The following IGF1R variants were observed in gnomAD, a reference collection of about 807,000 sequenced individuals.
IGF1R encodes the protein insulin-like growth factor 1 receptor.
In IGF1R, 44 loss-of-function variants were observed where a neutral mutation model predicts 144.6. The ratio of observed to expected loss-of-function variants is 0.30; its 90% CI spans 0.24 to 0.39. The LOEUF is 0.39. Ranked by LOEUF, IGF1R falls within the 10% of genes least tolerant of loss-of-function variation. The pLI, the probability that IGF1R is intolerant of heterozygous loss-of-function variation, is 1.00. For synonymous variants in IGF1R, 795 were observed against 722.8 expected (o/e 1.10, Z -1.60); for missense variants, 1,355 against 1,833.7 (o/e 0.74, Z 4.77).
intron 2 of IGF1R, among the ~76,000 whole-genome samples, chr15:98,757,859 TTC>T (rs2055194033): frequency 6.6e-6 from 1 of 152,246 alleles, no homozygotes; most frequent in Non-Finnish European, 1.5e-5. Context: ...TTATTTTACT[TTC>T]TGTTATTCTC....
chr15:98,880,241 C>G (rs2013301881), intron 2 of IGF1R, among the ~76,000 whole-genome samples: 1 of 152,182 alleles, frequency 6.6e-6, no homozygotes, highest in Non-Finnish European at 1.5e-5. Context: ...CCTTCTCAGC[C>G]TTTGTGTTAA....
chr15:98,861,212 A>G (rs1183076599), intron 2 of IGF1R, among the ~76,000 whole-genome samples: 3 of 152,220 alleles, frequency 2.0e-5, no homozygotes, highest in African/African-American at 7.2e-5. Flanking sequence ...TTGATGTGCT[A>G]TATACAAGAC....
intron 1 of IGF1R, among the ~76,000 whole-genome samples, chr15:98,698,314 G>A (rs1567081780): frequency 6.6e-6 from 1 of 152,178 alleles, no homozygotes; most frequent in East Asian, 1.9e-4. Flanking sequence ...TGGGATCACA[G>A]GTGTGAGCCA....
intron 2 of IGF1R, among the ~76,000 whole-genome samples, chr15:98,845,287 C>T (rs2011266522): frequency 1.3e-5 from 2 of 152,158 alleles, no homozygotes; most frequent in South Asian, 4.1e-4. Flanking sequence ...GCATGATAAC[C>T]TTTGAGGGGC....
intron 2 of IGF1R, among the ~76,000 whole-genome samples, chr15:98,729,171 C>CA (rs535237095): frequency 1.3e-4 from 20 of 152,334 alleles, no homozygotes; most frequent in Admixed American, 1.3e-3. Context: ...GTGGAATTCT[C>CA]ACTACAACAG....
chr15:98,772,293 C>G (rs1244885917), intron 2 of IGF1R, among the ~76,000 whole-genome samples: 1 of 151,856 alleles, frequency 6.6e-6, no homozygotes, highest in African/African-American at 2.4e-5. Flanking sequence ...AATTTCTAGT[C>G]TGGAAAAGAG....
intron 2 of IGF1R, among the ~76,000 whole-genome samples, chr15:98,789,514 G>T (rs1411073376): frequency 6.6e-6 from 1 of 152,150 alleles, no homozygotes; most frequent in Admixed American, 6.5e-5. Flanking sequence ...CCGAGTCCTC[G>T]CCTTAGAGGA....
chr15:98,920,980 G>A (rs1051750430), intron 10 of IGF1R, among the ~76,000 whole-genome samples: 7 of 152,164 alleles, frequency 4.6e-5, no homozygotes, highest in South Asian at 2.1e-4. Context: ...CGTTCCCTGC[G>A]TGAGCTTTCC....
intron 11 of IGF1R, among the ~76,000 whole-genome samples, chr15:98,923,352 C>T (rs1368305099): frequency 6.6e-6 from 1 of 152,248 alleles, no homozygotes; most frequent in South Asian, 2.1e-4. Flanking sequence ...GGCTCGGGGC[C>T]ATCCTTCGTG....
chr15:98,867,979 T>C (rs1201145165), intron 2 of IGF1R, among the ~76,000 whole-genome samples: 2 of 152,166 alleles, frequency 1.3e-5, no homozygotes, highest in Non-Finnish European at 1.5e-5. Context: ...GGCGGGCAGA[T>C]CGCTTGAGGT....
At position 98,950,247 on chromosome 15, in the gene IGF1R, AATAG is replaced by A. The variant is rs1338830977; in HGVS notation, c.3722+1547_3722+1550del. On this transcript the variant is annotated intron_variant, in intron 20 of 20. Coordinates refer to ENST00000650285, the MANE Select transcript of IGF1R (RefSeq NM_000875.5). Reference sequence around the variant, plus strand: ...CAGGCTGGGCCCACAGTGGCGGGATAATAGATAGATATGAACCAGACATGTGTCA... The same window carrying A: ...CAGGCTGGGCCCACAGTGGCGGGATAATAGATATGAACCAGACATGTGTCA... Among the ~76,000 whole-genome samples, 3 of 152,346 alleles carry A rather than the reference AATAG, an allele frequency of 2.0e-5. 1 individual carries two copies. The highest frequency in any genetic ancestry group is 2.9e-5 in the Non-Finnish European group (2 of 68,022).
chr15:98,911,150 A>C lies in IGF1R; in HGVS notation c.1463-165A>C, dbSNP rs45574439. ...AGCCCTTGGAGCTCTGCATAGTGAA[A>C]TGTATGATTTCTTAGTGGAAAACGA... is the stretch of plus-strand genomic sequence containing the variant. On this transcript the variant is annotated intron_variant, in intron 6 of 20. Transcript: ENST00000650285. 5.2e-4 allele frequency among the ~76,000 whole-genome samples: 79 copies of C among 152,308 alleles called. 1 individual carries two copies. In the South Asian group the frequency reaches 0.016, roughly 31 times the overall value.
chr15:98,844,805 C>T (rs1480188748), intron 2 of IGF1R, among the ~76,000 whole-genome samples: 1 of 151,876 alleles, frequency 6.6e-6, no homozygotes, highest in Non-Finnish European at 1.5e-5. Flanking sequence ...CTTTTTATTT[C>T]TTCCCTAAGA....
Position 98,912,939 on chromosome 15 carries a change from A to G in IGF1R, c.1590-105A>G, listed in dbSNP as rs886975696. Reference sequence around the variant, plus strand: ...AGTCTAATTGATTATTTGTTTATTTAGACCTCCCATTATAGAAAGTGTGAC... The same window carrying G: ...AGTCTAATTGATTATTTGTTTATTTGGACCTCCCATTATAGAAAGTGTGAC... On this transcript the variant is annotated intron_variant, in intron 7 of 20. Coordinates refer to ENST00000650285, the MANE Select transcript of IGF1R (RefSeq NM_000875.5). 1.6e-5 allele frequency: 12 copies of G among 754,746 alleles called. 1 individual carries two copies. In the African/African-American group the frequency reaches 2.1e-4, roughly 13 times the overall value. The allele number at this position is 754,746 out of a possible 1,614,324, so 46.8% of individuals were successfully genotyped here. A position where few individuals can be genotyped will look rare whatever the true frequency, so the allele number is the denominator to read the frequency against.
chr15:98,917,234 G>C (rs779050952), intron 10 of IGF1R, among the ~76,000 whole-genome samples: 4 of 152,118 alleles, frequency 2.6e-5, no homozygotes, highest in Non-Finnish European at 5.9e-5. Context: ...CCAGGATTTG[G>C]GTCCATCTCT....
intron 2 of IGF1R, among the ~76,000 whole-genome samples, chr15:98,809,554 C>T (rs377508902): frequency 3.9e-5 from 6 of 152,220 alleles, no homozygotes; most frequent in African/African-American, 1.2e-4. Flanking sequence ...GCATTTTTCC[C>T]TCCATGTTTT....
chr15:98,671,054 G>T (rs1385995450), intron 1 of IGF1R, among the ~76,000 whole-genome samples: 1 of 152,152 alleles, frequency 6.6e-6, no homozygotes, highest in African/African-American at 2.4e-5. Flanking sequence ...TCCTGTGTGC[G>T]GGCATTTGTT....
At chr15:98,901,209 C>G (rs1169536409) in intron 5 of IGF1R, among the ~76,000 whole-genome samples, 1 of 152,172 alleles carries the variant, frequency 6.6e-6, no homozygotes, top group Non-Finnish European at 1.5e-5. Flanking sequence ...AGCCCGGGCC[C>G]CTGGCCTGCT....
chr15:98,853,028 G>A (rs933953921), intron 2 of IGF1R, among the ~76,000 whole-genome samples: 10 of 152,186 alleles, frequency 6.6e-5, no homozygotes, highest in Admixed American at 6.5e-4. Flanking sequence ...TGGGCAGATC[G>A]ATTTTGATTA....
Sources: allele counts gnomAD v4.1 joint callset (sites outside exome capture counted in the v4.1 genomes callset), GRCh38; gene constraint gnomAD v4.1.1; transcripts MANE v1.5; gene names NCBI Gene and HGNC (gene_info 2026-07-23, HGNC 2026-07-21).